FSTL5: variants seen among roughly 807,000 people sequenced by gnomAD.
FSTL5 encodes follistatin-related protein 5.
A neutral mutation model predicts 89.1 loss-of-function variants in FSTL5; 62 were observed. The observed-to-expected ratio is 0.70, with a 90% confidence interval of 0.57 to 0.86. The LOEUF (loss-of-function observed/expected upper bound fraction) is 0.86, where lower values mean the gene tolerates loss of function less well. Among genes scored for constraint, FSTL5 ranks in the 40% least tolerant of loss-of-function variants. The pLI, the probability that FSTL5 is intolerant of heterozygous loss-of-function variation, is 0.00. For missense variants in FSTL5, 1,057 were observed against 1,001.6 expected, an observed-to-expected ratio of 1.06 and a Z score of -0.75; for synonymous variants, 383 against 346.2, an observed-to-expected ratio of 1.11 and a Z score of -1.18.
chr4:161,567,505 C>CG (rs1732860977), intron 8 of FSTL5, among the ~76,000 whole-genome samples: 2 of 152,126 alleles, frequency 1.3e-5, no homozygotes, highest in Non-Finnish European at 2.9e-5. Context: ...ACCTCATGAG[C>CG]ATTTTGTAAC....
intron 2 of FSTL5, among the ~76,000 whole-genome samples, chr4:162,042,968 G>C (rs374722599): frequency 3.6e-5 from 4 of 109,604 alleles, no homozygotes; most frequent in South Asian, 7.1e-4. Flanking sequence ...AGGGGGGAGG[G>C]ATAGCATTGG....
At chr4:161,487,107 A>C (rs1729707310) in intron 12 of FSTL5, among the ~76,000 whole-genome samples, 1 of 152,246 alleles carries the variant, frequency 6.6e-6, no homozygotes, top group East Asian at 1.9e-4. Context: ...GTGACATATA[A>C]TTTGGCAATG....
At chr4:161,770,174 C>T (rs968179515) in intron 5 of FSTL5, among the ~76,000 whole-genome samples, 9 of 151,914 alleles carry the variant, frequency 5.9e-5, no homozygotes, top group Non-Finnish European at 1.3e-4. Flanking sequence ...AACAATTGAA[C>T]TTACAGCGAT....
intron 4 of FSTL5, among the ~76,000 whole-genome samples, chr4:161,911,447 T>C (rs970205751): frequency 3.3e-5 from 5 of 152,124 alleles, no homozygotes; most frequent in African/African-American, 7.2e-5. Flanking sequence ...TCTTTAGGTA[T>C]GGCAAAGAGC....
intron 1 of FSTL5, among the ~76,000 whole-genome samples, chr4:162,143,280 C>T (rs1732821440): frequency 6.6e-6 from 1 of 151,772 alleles, no homozygotes; most frequent in South Asian, 2.1e-4. Context: ...ATTGACTTTA[C>T]CTTGATTTAT....
chr4:161,897,798 A>T (rs115486101), intron 4 of FSTL5, among the ~76,000 whole-genome samples: 1,682 of 151,512 alleles, frequency 0.011, 28 homozygotes, highest in African/African-American at 0.039. Flanking sequence ...GATTTTTGTA[A>T]ATGTATAATG....
intron 7 of FSTL5, among the ~76,000 whole-genome samples, chr4:161,631,527 G>A (rs558666576): frequency 1.6e-4 from 25 of 152,278 alleles, no homozygotes; most frequent in African/African-American, 6.0e-4. Context: ...TGAGGCAAGA[G>A]AGTCACTTGA....
chr4:162,055,047 G>A (rs1352224674), intron 2 of FSTL5, among the ~76,000 whole-genome samples: 1 of 151,944 alleles, frequency 6.6e-6, no homozygotes, highest in East Asian at 1.9e-4. Context: ...TGTTTTTGTG[G>A]ATAGCATGTA....
chr4:162,146,664 C>T (rs922726139), intron 1 of FSTL5, among the ~76,000 whole-genome samples: 1 of 8,000 alleles, frequency 1.3e-4, no homozygotes, highest in Non-Finnish European at 3.7e-4. Flanking sequence ...ACCTAATGTC[C>T]CTTCCCTTCC....
chr4:161,934,529 T>C (rs544596695), intron 3 of FSTL5, among the ~76,000 whole-genome samples: 1 of 152,244 alleles, frequency 6.6e-6, no homozygotes, highest in South Asian at 2.1e-4. Flanking sequence ...CAGTAGTGTT[T>C]AGAAGCATTT....
rs543078110 is a variant in FSTL5 at position 161,833,935 on chromosome 4, T to C, written c.410-57861A>G. 7.2e-5 allele frequency among the ~76,000 whole-genome samples: 11 copies of C among 152,282 alleles called. No individual in the cohort carries two copies. The East Asian group carries it at 2.1e-3, about 29-fold the overall frequency. On this transcript the variant is annotated intron_variant, in intron 4 of 15. Transcript: ENST00000306100. ...TTGATCCTGTCATTATGATGTTAGC[T>C]GGTTATTTTGCTCGTTAGTTGATGC...
intron 3 of FSTL5, among the ~76,000 whole-genome samples, chr4:161,952,715 G>T (rs1734931114): frequency 6.6e-6 from 1 of 151,806 alleles, no homozygotes. Flanking sequence ...GCCAAAGCAT[G>T]GTGCTAGACT....
At chr4:161,519,542 A>G (rs1333026259) in intron 10 of FSTL5, among the ~76,000 whole-genome samples, 1 of 152,000 alleles carries the variant, frequency 6.6e-6, no homozygotes, top group African/African-American at 2.4e-5. Flanking sequence ...AAACAAAACA[A>G]AACAAAAAAT....
chr4:161,418,593 G>A (rs1731870440), intron 15 of FSTL5, among the ~76,000 whole-genome samples: 1 of 152,100 alleles, frequency 6.6e-6, no homozygotes, highest in African/African-American at 2.4e-5. Context: ...TAATCTTTAT[G>A]TATAGCTCAC....
At chr4:161,675,275 T>C (rs1192915423) in intron 6 of FSTL5, among the ~76,000 whole-genome samples, 1 of 151,998 alleles carries the variant, frequency 6.6e-6, no homozygotes, top group Non-Finnish European at 1.5e-5. Flanking sequence ...ATACATTTGT[T>C]ATTTTATCTT....
chr4:161,823,914 C>T (rs981536799), intron 4 of FSTL5, among the ~76,000 whole-genome samples: 1 of 152,180 alleles, frequency 6.6e-6, no homozygotes, highest in African/African-American at 2.4e-5. Context: ...GGATACTAGT[C>T]CTTTGTCAGA....
chr4:161,814,244 A>G (rs2126842973), intron 4 of FSTL5, among the ~76,000 whole-genome samples: 1 of 152,288 alleles, frequency 6.6e-6, no homozygotes, highest in Middle Eastern at 3.4e-3. Context: ...TTGCTGCTCT[A>G]TGAAAGTCTC....
chr4:162,030,711 T>A (rs72693234), intron 3 of FSTL5, among the ~76,000 whole-genome samples: 3,399 of 152,306 alleles, frequency 0.022, 73 homozygotes, highest in Non-Finnish European at 0.032. Context: ...ATAAATCTTT[T>A]AAATTATTTC....
intron 8 of FSTL5, among the ~76,000 whole-genome samples, chr4:161,572,439 T>C (rs1350815414): frequency 1.3e-5 from 2 of 151,856 alleles, no homozygotes; most frequent in African/African-American, 4.8e-5. Flanking sequence ...AGGCCTTCCT[T>C]ATAAAAGCTT....
Sources: allele counts gnomAD v4.1 joint callset (sites outside exome capture counted in the v4.1 genomes callset), GRCh38; gene constraint gnomAD v4.1.1; transcripts MANE v1.5; gene names NCBI Gene and HGNC (gene_info 2026-07-23, HGNC 2026-07-21).